TBC1D14: variants seen among roughly 807,000 people sequenced by gnomAD.
TBC1D14 encodes the protein TBC1 domain family member 14, also known as TBC1 domain family, member 14.
TBC1D14 carries 26 observed loss-of-function variants against 79.0 expected under a neutral mutation model. That is an observed-to-expected ratio of 0.33 (90% CI 0.24 to 0.46). The LOEUF (loss-of-function observed/expected upper bound fraction) is 0.46, where lower values mean the gene tolerates loss of function less well. TBC1D14 is among the 20% of genes least tolerant of loss of function. TBC1D14 has a pLI of 1.00. For synonymous variants in TBC1D14, 394 were observed against 349.9 expected (o/e 1.13, Z -1.40); for missense variants, 769 against 887.6 (o/e 0.87, Z 1.70).
Position 6,940,133 on chromosome 4 carries a change from A to G in TBC1D14, c.722+16022A>G, listed in dbSNP as rs149120058. 2.4e-3 allele frequency among the ~76,000 whole-genome samples: 360 copies of G among 152,346 alleles called. 2 individuals carry two copies. The highest frequency in any genetic ancestry group is 7.9e-3 in the African/African-American group (330 of 41,582). On this transcript the variant is annotated intron_variant, in intron 2 of 13. Coordinates refer to ENST00000409757, the MANE Select transcript of TBC1D14 (RefSeq NM_020773.3). ...GTCCAGTGTGTTAGCCACTAGCCCC[A>G]TGTAGCTATTTAAATTGAGTTAAAA...
chr4:6,984,527 T>C (rs1453584493), intron 3 of TBC1D14, among the ~76,000 whole-genome samples: 1 of 152,216 alleles, frequency 6.6e-6, no homozygotes, highest in Non-Finnish European at 1.5e-5. Flanking sequence ...AGCTTAAAAA[T>C]TATTTTTCAC....
At chr4:6,981,599 C>T (rs759866913) in intron 3 of TBC1D14, among the ~76,000 whole-genome samples, 4 of 152,146 alleles carry the variant, frequency 2.6e-5, no homozygotes, top group Non-Finnish European at 5.9e-5. Context: ...GCAAATATCC[C>T]TTTTGAAGAC....
intron 1 of TBC1D14, among the ~76,000 whole-genome samples, chr4:6,920,467 CT>C (rs1196431874): frequency 3.3e-5 from 5 of 152,040 alleles, no homozygotes; most frequent in Non-Finnish European, 7.4e-5. Flanking sequence ...AATGAATTTG[CT>C]TTTGCTGTGT....
intron 1 of TBC1D14, among the ~76,000 whole-genome samples, chr4:6,922,744 A>G (rs990975053): frequency 1.3e-5 from 2 of 152,162 alleles, no homozygotes; most frequent in African/African-American, 4.8e-5. Context: ...CCCAAAAGAA[A>G]AAACCCAACC....
intron 10 of TBC1D14, 39 bp from the exon 11 acceptor site, chr4:7,010,614 G>A: frequency 1.2e-6 from 2 of 1,601,844 alleles, no homozygotes; most frequent in Non-Finnish European, 1.7e-6. Context: ...TGACCCTGTG[G>A]CCACTGTGAT....
chr4:6,921,209 A>T (rs1370702579), intron 1 of TBC1D14, among the ~76,000 whole-genome samples: 1 of 151,172 alleles, frequency 6.6e-6, no homozygotes, highest in African/African-American at 2.4e-5. Context: ...TTTATTTTTT[A>T]TTTATTTATT....
chr4:7,008,348 A>C (rs1346849584), intron 9 of TBC1D14, among the ~76,000 whole-genome samples: 1 of 152,232 alleles, frequency 6.6e-6, no homozygotes, highest in Non-Finnish European at 1.5e-5. Flanking sequence ...AGTTTACTAA[A>C]AGAAAGCAAA....
At chr4:6,943,151 T>C (rs866206034) in intron 2 of TBC1D14, among the ~76,000 whole-genome samples, 1 of 151,276 alleles carries the variant, frequency 6.6e-6, no homozygotes, top group Non-Finnish European at 1.5e-5. Flanking sequence ...TAGGGACCAG[T>C]GTGGGAGTTC....
intron 2 of TBC1D14, among the ~76,000 whole-genome samples, chr4:6,936,008 G>A (rs1712289122): frequency 6.6e-6 from 1 of 152,192 alleles, no homozygotes; most frequent in Admixed American, 6.5e-5. Flanking sequence ...TTTTAGAGCA[G>A]TTGTAGGTTT....
chr4:6,952,703 G>C lies in TBC1D14; in HGVS notation c.723-14601G>C, dbSNP rs185700770. Among the ~76,000 whole-genome samples, 611 of 152,300 alleles carry C rather than the reference G, an allele frequency of 4.0e-3. 5 individuals are homozygous for C. The highest frequency in any genetic ancestry group is 0.013 in the African/African-American group (548 of 41,550). ...GTGTTTTCTTTTTTAAGGGATGATG[G>C]AGCTGACTGTTAGAGGATGCTGGCT... On this transcript the variant is annotated intron_variant, in intron 2 of 13. Transcript: ENST00000409757.
rs1437509958 is a variant in TBC1D14 at position 6,923,379 on chromosome 4, C to T, written c.-11C>T. The T allele has an allele frequency of 6.3e-7, 1 of 1,579,860 alleles. No homozygotes were observed. Among genetic ancestry groups the T allele is most frequent in the African/African-American group, 1.4e-5 (1 of 73,334 alleles). On this transcript the variant is annotated 5_prime_UTR_variant, in exon 2 of 14. Coordinates refer to ENST00000409757, the MANE Select transcript of TBC1D14 (RefSeq NM_020773.3). Reference sequence around the variant, plus strand: ...ATGTTTGTGTTTTTTCTAGTTTCTCCTTGGACCAAGATGACTGATGGAAAA... The same window carrying T: ...ATGTTTGTGTTTTTTCTAGTTTCTCTTTGGACCAAGATGACTGATGGAAAA...
At chr4:6,931,151 A>T (rs1417426396) in intron 2 of TBC1D14, among the ~76,000 whole-genome samples, 2 of 152,128 alleles carry the variant, frequency 1.3e-5, no homozygotes, top group African/African-American at 4.8e-5. Flanking sequence ...TGCCCGCCTC[A>T]GCCTCCCAAA....
intron 2 of TBC1D14, among the ~76,000 whole-genome samples, chr4:6,956,235 C>T (rs920044881): frequency 1.3e-5 from 2 of 152,174 alleles, no homozygotes; most frequent in Non-Finnish European, 2.9e-5. Flanking sequence ...CGCCTGCGAA[C>T]AGATGATGCA....
chr4:6,935,244 T>G (rs890202168), intron 2 of TBC1D14, among the ~76,000 whole-genome samples: 3 of 152,166 alleles, frequency 2.0e-5, no homozygotes, highest in African/African-American at 7.2e-5. Flanking sequence ...TTTTTCCTTT[T>G]TTAAGATTGG....
intron 1 of TBC1D14, among the ~76,000 whole-genome samples, chr4:6,916,863 G>A (rs1303613283): frequency 6.6e-6 from 1 of 152,214 alleles, no homozygotes; most frequent in Admixed American, 6.5e-5. Context: ...GTGCTGGGGC[G>A]TTCCTCCTGT....
chr4:6,915,336 C>T (rs1436620218), intron 1 of TBC1D14, among the ~76,000 whole-genome samples: 2 of 152,188 alleles, frequency 1.3e-5, no homozygotes, highest in Non-Finnish European at 2.9e-5. Context: ...TCAGGTCAAC[C>T]CCCTGCGACC....
At chr4:6,957,545 G>T (rs1003354538) in intron 2 of TBC1D14, among the ~76,000 whole-genome samples, 5 of 152,218 alleles carry the variant, frequency 3.3e-5, no homozygotes, top group African/African-American at 1.2e-4. Flanking sequence ...CTCGCCTCTT[G>T]CTTTTGCCTA....
chr4:6,970,447 G>A (rs963477856), intron 3 of TBC1D14, among the ~76,000 whole-genome samples: 1 of 152,368 alleles, frequency 6.6e-6, no homozygotes, highest in South Asian at 2.1e-4. Flanking sequence ...AGTATTTGCT[G>A]TTACCGTTGT....
At chr4:6,994,962 G>A (rs1428593936) in intron 4 of TBC1D14, among the ~76,000 whole-genome samples, 1 of 152,120 alleles carries the variant, frequency 6.6e-6, no homozygotes, top group Non-Finnish European at 1.5e-5. Flanking sequence ...AAAGTTAGAG[G>A]CCATCAGGAA....
Sources: allele counts gnomAD v4.1 joint callset (sites outside exome capture counted in the v4.1 genomes callset), GRCh38; gene constraint gnomAD v4.1.1; transcripts MANE v1.5; gene names NCBI Gene and HGNC (gene_info 2026-07-23, HGNC 2026-07-21).